Variants in TIMP3 observed in about 807,000 individuals in gnomAD.
The protein encoded by TIMP3 is metalloproteinase inhibitor 3.
Under a neutral mutation model 30.0 loss-of-function variants are expected in TIMP3, and 11 were observed. That is an observed-to-expected ratio of 0.37 (90% CI 0.23 to 0.61). The LOEUF is 0.61. Ranked by LOEUF, TIMP3 falls within the 20% of genes least tolerant of loss-of-function variation. TIMP3 has a pLI of 0.70. For synonymous variants in TIMP3, 112 were observed against 111.3 expected (o/e 1.01, Z -0.04); for missense variants, 181 against 276.8 (o/e 0.65, Z 2.45).
chr22:32,802,207 C>T, intron 1 of TIMP3, 85 bp downstream of exon 1: 1 of 1,507,570 alleles, frequency 6.6e-7, no homozygotes, highest in Admixed American at 2.0e-5. Context: ...AGCCCCACTC[C>T]TTTCCTCTGC....
In TIMP3 at chr22:32,849,449, C is replaced by A. The variant is rs1050956219; in HGVS notation, c.122-3C>A. The stretch of plus-strand genomic sequence containing the variant: ...CTCTTATTGTCTCCTTCTGTCTCTG[C>A]AGTGATCCGGGCCAAGGTGGTGGGG... On this transcript the variant is annotated splice_polypyrimidine_tract_variant and splice_region_variant and intron_variant, in intron 1 of 4. Transcript: ENST00000266085. 9 of 1,613,250 alleles carry A rather than the reference C, an allele frequency of 5.6e-6. No homozygotes were observed. The highest frequency in any genetic ancestry group is 7.6e-6 in the Non-Finnish European group (9 of 1,179,662).
At chr22:32,849,196 G>A (rs891875772) in intron 1 of TIMP3, among the ~76,000 whole-genome samples, 1 of 152,190 alleles carries the variant, frequency 6.6e-6, no homozygotes, top group Non-Finnish European at 1.5e-5. Context: ...GTTGACTATA[G>A]CCTTGGAAGT....
chr22:32,833,072 C>T (rs2047624815), intron 1 of TIMP3, among the ~76,000 whole-genome samples: 1 of 152,150 alleles, frequency 6.6e-6, no homozygotes, highest in African/African-American at 2.4e-5. Flanking sequence ...ACTAGAAGTA[C>T]TTAAATAGAT....
chr22:32,858,307 G>C (rs1363164271), intron 4 of TIMP3, among the ~76,000 whole-genome samples, 169 bp downstream of exon 4: 1 of 152,198 alleles, frequency 6.6e-6, no homozygotes, highest in African/African-American at 2.4e-5. Flanking sequence ...TGTTGCCCCA[G>C]GTGGGGCAGT....
intron 2 of TIMP3, among the ~76,000 whole-genome samples, chr22:32,856,490 C>A (rs961626273): frequency 6.6e-6 from 1 of 152,076 alleles, no homozygotes; most frequent in Non-Finnish European, 1.5e-5. Flanking sequence ...TGTCAGCAAG[C>A]CTTCTGGGTA....
chr22:32,809,779 T>C (rs2046863902), intron 1 of TIMP3, among the ~76,000 whole-genome samples: 1 of 152,252 alleles, frequency 6.6e-6, no homozygotes, highest in Non-Finnish European at 1.5e-5. Flanking sequence ...TCCTGGGTGA[T>C]TGCATTGTCG....
chr22:32,848,173 C>A (rs1288976723), intron 1 of TIMP3, among the ~76,000 whole-genome samples: 1 of 152,180 alleles, frequency 6.6e-6, no homozygotes, highest in Non-Finnish European at 1.5e-5. Context: ...AAGTCAAGTC[C>A]TCTCCTCTTT....
At chr22:32,809,163 T>C (rs531182064) in intron 1 of TIMP3, among the ~76,000 whole-genome samples, 55 of 152,344 alleles carry the variant, frequency 3.6e-4, no homozygotes, top group South Asian at 6.2e-4. Context: ...TGATGAGCTG[T>C]CTCAGGCTAG....
In TIMP3 at chr22:32,814,185, G is replaced by GAAAGA. The variant is rs1159294265; in HGVS notation, c.121+12066_121+12070dup. 3.7e-4 allele frequency among the ~76,000 whole-genome samples: 4 copies of GAAAGA among 10,862 alleles called. No homozygotes were observed. In the East Asian group the frequency reaches 0.03, roughly 81 times the overall value. The allele number at this position is 10,862 out of a possible 152,430, so 7.1% of individuals were successfully genotyped here. A position where few individuals can be genotyped will look rare whatever the true frequency, so the allele number is the denominator to read the frequency against. Reference sequence around the variant, plus strand: ...GAGAGAGAAAGAGAAAGAAAGAAAAGAAAGAAAGAAAGAAAGAAAGAAAAC... The same window carrying GAAAGA: ...GAGAGAGAAAGAGAAAGAAAGAAAAGAAAGAAAAGAAAGAAAGAAAGAAAGAAAAC... On this transcript the variant is annotated intron_variant, in intron 1 of 4. Coordinates refer to ENST00000266085, the MANE Select transcript of TIMP3 (RefSeq NM_000362.5).
intron 1 of TIMP3, among the ~76,000 whole-genome samples, chr22:32,833,192 C>A (rs2047629290): frequency 6.6e-6 from 1 of 152,088 alleles, no homozygotes; most frequent in African/African-American, 2.4e-5. Flanking sequence ...TTGCATTTAT[C>A]CCCTAACAAA....
intron 1 of TIMP3, among the ~76,000 whole-genome samples, chr22:32,819,337 C>T (rs1403016031): frequency 2.0e-5 from 3 of 152,210 alleles, no homozygotes; most frequent in Admixed American, 1.3e-4. Context: ...CGATGCCTTG[C>T]TGGTGAGGTC....
At chr22:32,853,439 C>T (rs1428062219) in intron 2 of TIMP3, among the ~76,000 whole-genome samples, 4 of 152,214 alleles carry the variant, frequency 2.6e-5, no homozygotes, top group African/African-American at 9.7e-5. Context: ...GCAACTCATG[C>T]TGTCAATGTA....
intron 1 of TIMP3, among the ~76,000 whole-genome samples, chr22:32,838,182 CAT>C (rs2047789909): frequency 6.6e-6 from 1 of 152,188 alleles, no homozygotes; most frequent in African/African-American, 2.4e-5. Context: ...ATCTGAGATG[CAT>C]AGTTCCTCAA....
intron 1 of TIMP3, among the ~76,000 whole-genome samples, chr22:32,814,042 A>G (rs1009778866): frequency 1.3e-5 from 2 of 151,658 alleles, no homozygotes; most frequent in African/African-American, 4.8e-5. Flanking sequence ...GGCATTCAAT[A>G]AAAGTATCAT....
At chr22:32,806,271 G>A (rs766840684) in intron 1 of TIMP3, among the ~76,000 whole-genome samples, 1 of 152,120 alleles carries the variant, frequency 6.6e-6, no homozygotes, top group Non-Finnish European at 1.5e-5. Context: ...CACAGTCCCT[G>A]GATAGATAAG....
At chr22:32,850,886 C>T (rs1217044928) in intron 2 of TIMP3, among the ~76,000 whole-genome samples, 2 of 152,206 alleles carry the variant, frequency 1.3e-5, no homozygotes, top group Admixed American at 6.5e-5. Context: ...CGGTGGTACC[C>T]AACCATCCCC....
At chr22:32,816,573 G>A (rs1180896093) in intron 1 of TIMP3, among the ~76,000 whole-genome samples, 3 of 152,102 alleles carry the variant, frequency 2.0e-5, no homozygotes, top group African/African-American at 7.2e-5. Context: ...GGAAAGACAA[G>A]TTCAGCTTGC....
chr22:32,804,351 C>T (rs2046669292), intron 1 of TIMP3, among the ~76,000 whole-genome samples: 1 of 152,214 alleles, frequency 6.6e-6, no homozygotes, highest in African/African-American at 2.4e-5. Context: ...AGTTTCATTG[C>T]TCAGAGCCTT....
chr22:32,852,235 A>G (rs2048238076), intron 2 of TIMP3, among the ~76,000 whole-genome samples: 1 of 152,214 alleles, frequency 6.6e-6, no homozygotes. Context: ...GCAAAACTAC[A>G]GGGTCTTTGC....
Sources: allele counts gnomAD v4.1 joint callset (sites outside exome capture counted in the v4.1 genomes callset), GRCh38; gene constraint gnomAD v4.1.1; transcripts MANE v1.5; gene names NCBI Gene and HGNC (gene_info 2026-07-23, HGNC 2026-07-21).